DNAH17: variants seen among roughly 807,000 people sequenced by gnomAD.
The protein encoded by DNAH17 is dynein axonemal heavy chain 17.
A neutral mutation model predicts 485.6 loss-of-function variants in DNAH17; 376 were observed. The ratio of observed to expected loss-of-function variants is 0.77; its 90% CI spans 0.71 to 0.84. The LOEUF (loss-of-function observed/expected upper bound fraction) is 0.84, where lower values mean the gene tolerates loss of function less well. Among genes scored for constraint, DNAH17 ranks in the 40% least tolerant of loss-of-function variants. The pLI, the probability that DNAH17 is intolerant of heterozygous loss-of-function variation, is 0.00. For synonymous variants in DNAH17, 3,031 were observed against 2,405.9 expected (o/e 1.26, Z -7.60); for missense variants, 6,370 against 5,839.3 (o/e 1.09, Z -2.96).
rs557054122 is a variant in DNAH17, at chr17:78,514,613, TGTGACTGCGCAG to T, written c.4113+149_4113+160del. ...CACCCCCAACCAGCGTGGAGCCCAG[TGTGACTGCGCAG>T]GTCACTTGTGCACGAAGCCAGCCCT... On this transcript the variant is annotated intron_variant, in intron 26 of 80. Transcript: ENST00000389840. Among the ~76,000 whole-genome samples, 844 of 152,204 alleles carry T rather than the reference TGTGACTGCGCAG, an allele frequency of 5.5e-3. 6 individuals are homozygous for T. The highest frequency in any genetic ancestry group is 0.018 in the African/African-American group (766 of 41,524).
intron 66 of DNAH17, 66 bp from the exon 67 acceptor site, chr17:78,450,912 T>C (rs1222775306): frequency 1.9e-6 from 3 of 1,575,966 alleles, no homozygotes; most frequent in Non-Finnish European, 2.6e-6. Flanking sequence ...CGGGCCTCCC[T>C]CAGGTGGCCA....
At chr17:78,429,842 A>C (rs72907435) in intron 75 of DNAH17, among the ~76,000 whole-genome samples, 24,220 of 151,992 alleles carry the variant, frequency 0.16, 2,057 homozygotes, top group Middle Eastern at 0.2. Flanking sequence ...TCTCCCTTCC[A>C]CCCTGTGGAA....
chr17:78,514,651 G>A, intron 26 of DNAH17, 123 bp downstream of exon 26: 1 of 1,338,906 alleles, frequency 7.5e-7, no homozygotes, highest in South Asian at 1.5e-5. Flanking sequence ...AGCCAGCCCT[G>A]CCCACATTGG....
chr17:78,569,536 A>G lies in DNAH17; in HGVS notation c.1045-9T>C, dbSNP rs776945106. ...CTCAGGAAGGTTCGTGTCTGGGCAA[A>G]AGAGAAGACAGACATCTAAAGCTCC... On this transcript the variant is annotated splice_polypyrimidine_tract_variant and intron_variant, in intron 7 of 80. Coordinates refer to ENST00000389840, the MANE Select transcript of DNAH17 (RefSeq NM_173628.4). The G allele has an allele frequency of 9.4e-6, 15 of 1,598,882 alleles. No individual in the cohort carries two copies. Among genetic ancestry groups the G allele is most frequent in the Non-Finnish European group, 8.5e-6 (10 of 1,173,140 alleles).
chr17:78,535,391 G>A (rs1360047839), intron 19 of DNAH17, among the ~76,000 whole-genome samples: 3 of 152,186 alleles, frequency 2.0e-5, no homozygotes, highest in East Asian at 3.9e-4. Flanking sequence ...CCGCTCACAC[G>A]CCCACTCCTC....
chr17:78,461,490 G>A (rs929077125), intron 58 of DNAH17, 54 bp downstream of exon 58: 11 of 1,465,002 alleles, frequency 7.5e-6, no homozygotes, highest in Admixed American at 7.3e-5. Flanking sequence ...AAGCCCAGGA[G>A]GCCTGGCCAG....
Position 78,524,836 on chromosome 17 carries a change from C to T in DNAH17, c.3864+173G>A, listed in dbSNP as rs78125309. ...GAGAGGTGAACATATCCTGCTTTAG[C>T]GGAGGGACCCCACCTCGCGATCTCA... On this transcript the variant is annotated intron_variant, in intron 25 of 80. Coordinates refer to ENST00000389840, the MANE Select transcript of DNAH17 (RefSeq NM_173628.4). Among the ~76,000 whole-genome samples the T allele has an allele frequency of 9.4e-3, 1,431 of 152,282 alleles. 33 individuals carry two copies. Among genetic ancestry groups the T allele is most frequent in the African/African-American group, 0.032 (1,346 of 41,568 alleles).
chr17:78,534,683 G>C (rs1472057752), intron 19 of DNAH17, among the ~76,000 whole-genome samples: 1 of 152,210 alleles, frequency 6.6e-6, no homozygotes, highest in Non-Finnish European at 1.5e-5. Flanking sequence ...GATCTCCCCA[G>C]GTGGGATCCA....
In DNAH17 at chr17:78,560,858, T is replaced by C. The variant is rs748889345; in HGVS notation, c.1913A>G (p.Glu638Gly). The C allele has an allele frequency of 9.0e-6, 14 of 1,551,788 alleles. 1 individual carries two copies. In the South Asian group the frequency reaches 1.7e-4, roughly 18 times the overall value. Residue 638 changes from glutamate (E) to glycine (G), a missense_variant, in exon 13 of 81, where the codon GAG (glutamate) becomes GGG (glycine). Physicochemically the swap from Glu to Gly is moderately conservative, Grantham distance 98. Coordinates refer to ENST00000389840, the MANE Select transcript of DNAH17 (RefSeq NM_173628.4). Reference sequence around the variant, plus strand: ...CGCCACCCACTGCTGGTAGATCTTCTCGCGGTGGCACCTCAGCAGCTCCAT... The same window carrying C: ...CGCCACCCACTGCTGGTAGATCTTCCCGCGGTGGCACCTCAGCAGCTCCAT... Reference protein sequence around the residue: ...EMMELLRCHREKIYQQWVAGV... With the variant: ...EMMELLRCHRGKIYQQWVAGV...
chr17:78,498,555 C>G (rs550965230), intron 37 of DNAH17, among the ~76,000 whole-genome samples: 28 of 152,344 alleles, frequency 1.8e-4, no homozygotes, highest in African/African-American at 6.3e-4. Context: ...GCACCCAGGT[C>G]GCCCCAGCCA....
intron 25 of DNAH17, among the ~76,000 whole-genome samples, chr17:78,516,691 GAAAAAA>G (rs1168693263): frequency 1.1e-4 from 10 of 88,720 alleles, no homozygotes; most frequent in African/African-American, 4.0e-4. Flanking sequence ...CTCCATCTCA[GAAAAAA>G]AAAAAAAAAA....
intron 38 of DNAH17, 131 bp from the exon 39 acceptor site, chr17:78,495,228 G>A: frequency 1.7e-6 from 2 of 1,207,962 alleles, no homozygotes; most frequent in Non-Finnish European, 1.1e-6. Context: ...TGAACCTTCG[G>A]TCCTGGAGCC....
rs535490567 is a variant in DNAH17 at position 78,561,728 on chromosome 17, G to A, written c.1822C>T (p.His608Tyr). The change falls in exon 12 of 81, where the codon CAC becomes TAC. Residue 608 changes from histidine to tyrosine, a missense_variant. Physicochemically the swap from His to Tyr is moderately conservative, Grantham distance 83 (BLOSUM62 2). Transcript: ENST00000389840. Reference sequence around the variant, plus strand: ...GCTGTGACTCACGGGTGTTCGACGTGCTTCAGGTGTTTCATGGACACCTCT... The same window carrying A: ...GCTGTGACTCACGGGTGTTCGACGTACTTCAGGTGTTTCATGGACACCTCT... ...RLEVSMKHLK[H>Y]VEHPVMSGAE... 6.2e-7 allele frequency: 1 copy of A among 1,609,238 alleles called. No homozygotes were observed. The highest frequency in any genetic ancestry group is 8.5e-7 in the Non-Finnish European group (1 of 1,177,306).
chr17:78,459,944 T>G lies in DNAH17; in HGVS notation c.9493A>C (p.Thr3165Pro), dbSNP rs769632393. The G allele has an allele frequency of 6.2e-7, 1 of 1,613,694 alleles. No homozygotes were observed. The highest frequency in any genetic ancestry group is 8.5e-7 in the Non-Finnish European group (1 of 1,179,872). The change falls in exon 60 of 81, where the codon ACC (threonine) becomes CCC (proline). Residue 3165 changes from threonine (T) to proline (P), a missense_variant. By Grantham distance (38) the Thr-to-Pro change is conservative. Coordinates refer to ENST00000389840, the MANE Select transcript of DNAH17 (RefSeq NM_173628.4). The stretch of plus-strand genomic sequence containing the variant: ...GCGGTCAGAATCATGACGGCGGCGG[T>G]GACGTTGACCACAGCATCCGGCGGG... ...GSPPDAVVNVTAAVMILTAPG... is the reference protein window; with the variant it reads ...GSPPDAVVNVPAAVMILTAPG...
At chr17:78,440,089 A>G (rs964478120) in intron 72 of DNAH17, among the ~76,000 whole-genome samples, 2 of 151,902 alleles carry the variant, frequency 1.3e-5, no homozygotes, top group African/African-American at 4.8e-5. Context: ...ATGCACCACT[A>G]TGCCCAGCTA....
At chr17:78,431,374 C>G (rs957480440) in intron 75 of DNAH17, among the ~76,000 whole-genome samples, 1 of 151,970 alleles carries the variant, frequency 6.6e-6, no homozygotes, top group Non-Finnish European at 1.5e-5. Flanking sequence ...TGGCCCCACA[C>G]GCTCCTCAGG....
chr17:78,486,472 G>A lies in DNAH17; in HGVS notation c.6853C>T (p.Gln2285Ter). ...VSSWIERRKV[Q>*]SEKANLMILF... Reference sequence around the variant, plus strand: ...ATCATCAGGTTGGCCTTCTCCGACTGCACCTTGCGCCTCTCGATCCAGCTG... The same window carrying A: ...ATCATCAGGTTGGCCTTCTCCGACTACACCTTGCGCCTCTCGATCCAGCTG... Residue 2285 changes from glutamine to a stop codon, truncating the protein, a stop_gained, in exon 45 of 81, where the codon CAG (glutamine) becomes TAG (stop). Coordinates refer to ENST00000389840, the MANE Select transcript of DNAH17 (RefSeq NM_173628.4). LOFTEE classifies it high-confidence loss of function. 1.2e-6 allele frequency: 2 copies of A among 1,612,294 alleles called. No homozygotes were observed. The highest frequency in any genetic ancestry group is 2.2e-5 in the South Asian group (2 of 90,980).
In DNAH17 at chr17:78,501,447, G is replaced by T. The variant is rs7212619; in HGVS notation, c.5323-103C>A. On this transcript the variant is annotated intron_variant, in intron 34 of 80. Coordinates refer to ENST00000389840, the MANE Select transcript of DNAH17 (RefSeq NM_173628.4). ...CAAGGCCGGTCCCCTGCTGCCCAGG[G>T]AACCCTCCCTGGCCCTCTTTCCCCC... 0.05 allele frequency: 69,014 copies of T among 1,387,702 alleles called. 2,288 individuals are homozygous for T. The highest frequency in any genetic ancestry group is 0.14 in the African/African-American group (9,990 of 69,530). 86.0% of individuals were successfully genotyped at this position (1,387,702 alleles called of 1,614,324 possible).
intron 19 of DNAH17, among the ~76,000 whole-genome samples, chr17:78,533,838 CCAT>C (rs1204750130): frequency 1.3e-5 from 2 of 152,040 alleles, no homozygotes; most frequent in African/African-American, 2.4e-5. Flanking sequence ...GCTCCCACCA[CCAT>C]GCCTGGCTAA....
Sources: allele counts gnomAD v4.1 joint callset (sites outside exome capture counted in the v4.1 genomes callset), GRCh38; gene constraint gnomAD v4.1.1; transcripts MANE v1.5; gene names NCBI Gene and HGNC (gene_info 2026-07-23, HGNC 2026-07-21).